Variants in CTCF observed in about 807,000 individuals in gnomAD.
CTCF encodes the protein transcriptional repressor CTCF.
A neutral mutation model predicts 72.3 loss-of-function variants in CTCF; 7 were observed. The observed-to-expected ratio is 0.10, with a 90% CI of 0.06 to 0.18. CTCF has a LOEUF of 0.18. CTCF is among the 10% of genes least tolerant of loss of function. CTCF has a pLI of 1.00. For synonymous variants in CTCF, 374 were observed against 315.8 expected (o/e 1.18, Z -1.95); for missense variants, 516 against 949.1 (o/e 0.54, Z 6.00).
intron 2 of CTCF, among the ~76,000 whole-genome samples, chr16:67,574,643 A>AGTTGGTTATTGTATAT (rs1567591827): frequency 6.7e-6 from 1 of 149,522 alleles, no homozygotes; most frequent in African/African-American, 2.5e-5. Context: ...CGCCCAGCCA[A>AGTTGGTTATTGTATAT]AAGCATCTTT....
chr16:67,611,027 G>A lies in CTCF; in HGVS notation c.195G>A (p.Gln65=), dbSNP rs753585060. The A allele has an allele frequency of 6.2e-7, 1 of 1,614,178 alleles. No homozygotes were observed. Among genetic ancestry groups the A allele is most frequent in the South Asian group, 1.1e-5 (1 of 91,082 alleles). Residue 65 remains glutamine (Q), a synonymous_variant, in exon 3 of 12, where the codon CAG becomes CAA. Transcript: ENST00000264010. ...NSSVQMVMME[Q]LDPTLLQMKT... is the part of the protein sequence containing the mutation. ...GTGTACAGATGGTGATGATGGAACAGCTGGACCCCACCCTTCTTCAGATGA... is the reference window on the plus strand; with the variant it reads ...GTGTACAGATGGTGATGATGGAACAACTGGACCCCACCCTTCTTCAGATGA...
Position 67,611,567 on chromosome 16 carries a change from G to A in CTCF, c.735G>A (p.Val245=). ...GLLSEVNAEK[V]VGNMKPPKPT... is the part of the protein sequence containing the mutation. ...TATCAGAGGTTAATGCAGAGAAAGTGGTTGGTAATATGAAGCCTCCAAAGC... is the reference window on the plus strand; with the variant it reads ...TATCAGAGGTTAATGCAGAGAAAGTAGTTGGTAATATGAAGCCTCCAAAGC... Residue 245 remains valine (V), a synonymous_variant, in exon 3 of 12, where the codon GTG becomes GTA. Transcript: ENST00000264010. The A allele has an allele frequency of 1.2e-6, 2 of 1,614,118 alleles. No homozygotes were observed. Among genetic ancestry groups the A allele is most frequent in the Non-Finnish European group, 1.7e-6 (2 of 1,180,028 alleles).
At chr16:67,593,377 ATTG>A (rs1235557546) in intron 2 of CTCF, among the ~76,000 whole-genome samples, 1 of 151,646 alleles carries the variant, frequency 6.6e-6, no homozygotes, top group Non-Finnish European at 1.5e-5. Flanking sequence ...CCTAAGGCCT[ATTG>A]TTATGTTTAT....
rs903840931 is a variant in CTCF at position 67,621,668 on chromosome 16, A to T, written c.1357+77A>T. ...TTTCGAAATATGGGGATCAAAAATA[A>T]CTTCACCTTCTGACTCTCATAACAT... is the stretch of plus-strand genomic sequence containing the variant. On this transcript the variant is annotated intron_variant, in intron 7 of 11. Transcript: ENST00000264010. 7.3e-6 allele frequency: 8 copies of T among 1,103,436 alleles called. No individual in the cohort carries two copies. In the African/African-American group the frequency reaches 1.2e-4, roughly 17 times the overall value. The allele number at this position is 1,103,436 out of a possible 1,614,324, so 68.4% of individuals were successfully genotyped here.
intron 2 of CTCF, among the ~76,000 whole-genome samples, chr16:67,589,414 G>A (rs1265434866): frequency 6.6e-6 from 1 of 152,026 alleles, no homozygotes; most frequent in African/African-American, 2.4e-5. Flanking sequence ...ACATATTTTT[G>A]TTATATACCG....
At chr16:67,620,570 G>C in intron 5 of CTCF, 127 bp from the exon 6 acceptor site, 1 of 685,976 alleles carries the variant, frequency 1.5e-6, no homozygotes, top group Non-Finnish European at 2.3e-6. Context: ...AGGGAAGAAG[G>C]TTATCTTTTA....
chr16:67,602,129 G>C (rs2051900425), intron 2 of CTCF, among the ~76,000 whole-genome samples: 1 of 152,118 alleles, frequency 6.6e-6, no homozygotes, highest in African/African-American at 2.4e-5. Context: ...CTCCCAAAGT[G>C]CTGGGATTAC....
chr16:67,600,987 T>C (rs1271779792), intron 2 of CTCF, among the ~76,000 whole-genome samples: 1 of 151,260 alleles, frequency 6.6e-6, no homozygotes, highest in Middle Eastern at 3.4e-3. Flanking sequence ...GGAATTAGAG[T>C]GAGTGGGTAT....
chr16:67,587,433 G>C (rs1300243658), intron 2 of CTCF, among the ~76,000 whole-genome samples: 1 of 151,906 alleles, frequency 6.6e-6, no homozygotes. Context: ...TTACTAAGTA[G>C]CCTTCATGAG....
chr16:67,605,326 G>A (rs1269393402), intron 2 of CTCF, among the ~76,000 whole-genome samples: 1 of 152,138 alleles, frequency 6.6e-6, no homozygotes, highest in Non-Finnish European at 1.5e-5. Flanking sequence ...TTAATTTATA[G>A]GTGAATTATA....
chr16:67,577,610 T>A (rs1401540453), intron 2 of CTCF, among the ~76,000 whole-genome samples: 9 of 151,286 alleles, frequency 5.9e-5, no homozygotes, highest in Non-Finnish European at 1.0e-4. Context: ...CCTAATTTTT[T>A]TTTTTGTATT....
intron 2 of CTCF, among the ~76,000 whole-genome samples, chr16:67,589,248 G>C (rs1005860955): frequency 6.6e-6 from 1 of 152,100 alleles, no homozygotes; most frequent in South Asian, 2.1e-4. Flanking sequence ...GGCAAGCTAC[G>C]ATTACACTAC....
chr16:67,629,977 C>T (rs549006917), intron 10 of CTCF, among the ~76,000 whole-genome samples: 4 of 151,032 alleles, frequency 2.6e-5, no homozygotes, highest in African/African-American at 9.7e-5. Context: ...GGGGTTTCAC[C>T]GTGTTAGCCA....
intron 2 of CTCF, among the ~76,000 whole-genome samples, chr16:67,586,678 C>A (rs2051673458): frequency 6.6e-6 from 1 of 151,500 alleles, no homozygotes; most frequent in Admixed American, 6.6e-5. Context: ...CATTTTGTTT[C>A]TTTTGTTGTT....
intron 4 of CTCF, among the ~76,000 whole-genome samples, chr16:67,613,855 C>T (rs1461751176): frequency 6.6e-6 from 1 of 152,214 alleles, no homozygotes; most frequent in Non-Finnish European, 1.5e-5. Context: ...TGGGCATTCT[C>T]TATCTGGTCT....
chr16:67,601,217 GGTGTGTGTGTGTGT>G lies in CTCF; in HGVS notation c.-9-9582_-9-9569del, dbSNP rs59655549. On this transcript the variant is annotated intron_variant, in intron 2 of 11. Coordinates refer to ENST00000264010, the MANE Select transcript of CTCF (RefSeq NM_006565.4). ...CACTGCTTGATGGAATGCACTAAGGGGTGTGTGTGTGTGTGTGTGTGTGTGTGTGTGTGTGTGTT... is the reference window on the plus strand; with the variant it reads ...CACTGCTTGATGGAATGCACTAAGGGGTGTGTGTGTGTGTGTGTGTGTGTT... Among the ~76,000 whole-genome samples the G allele has an allele frequency of 7.7e-4, 99 of 128,398 alleles. 1 individual carries two copies. The highest frequency in any genetic ancestry group is 1.9e-3 in the African/African-American group (67 of 34,528). 84.2% of individuals were successfully genotyped at this position (128,398 alleles called of 152,430 possible).
intron 7 of CTCF, among the ~76,000 whole-genome samples, chr16:67,624,602 G>T (rs1467175976): frequency 1.3e-5 from 2 of 151,340 alleles, no homozygotes; most frequent in African/African-American, 4.9e-5. Flanking sequence ...TTTTGTTTTT[G>T]TTTTTTACTG....
intron 2 of CTCF, among the ~76,000 whole-genome samples, chr16:67,595,432 G>C (rs1481264530): frequency 1.3e-5 from 2 of 152,152 alleles, no homozygotes. Flanking sequence ...CTTTATCAGA[G>C]AAGTCATTTT....
intron 5 of CTCF, among the ~76,000 whole-genome samples, chr16:67,620,167 A>G (rs1028816251): frequency 6.6e-6 from 1 of 152,188 alleles, no homozygotes; most frequent in Non-Finnish European, 1.5e-5. Flanking sequence ...ATACATCCTC[A>G]TGTGCCTACC....
Sources: gnomAD v4.1 joint callset for allele counts (sites outside exome capture counted in the v4.1 genomes callset) on GRCh38, gnomAD v4.1.1 for gene constraint, MANE v1.5 for transcripts, NCBI Gene and HGNC (gene_info 2026-07-23, HGNC 2026-07-21) for gene names.